SLC16A12: variants seen among roughly 807,000 people sequenced by gnomAD.
The protein encoded by SLC16A12 is monocarboxylate transporter 12.
A neutral mutation model predicts 42.4 loss-of-function variants in SLC16A12; 17 were observed. The observed-to-expected ratio is 0.40, with a 90% CI of 0.27 to 0.60. The LOEUF is 0.60. Among genes scored for constraint, SLC16A12 ranks in the 20% least tolerant of loss-of-function variants. The probability of loss-of-function intolerance (pLI) is 0.42; values close to 1 mark genes in which losing one functional copy is unlikely to be tolerated. For missense variants in SLC16A12, 544 were observed against 623.0 expected (o/e 0.87, Z 1.35); for synonymous variants, 224 against 229.4 (o/e 0.98, Z 0.21).
Position 89,462,585 on chromosome 10 carries a change from T to C in SLC16A12, c.-7A>G, listed in dbSNP as rs1289735711. The stretch of plus-strand genomic sequence containing the variant: ...AGTGACTTCCTGATGGCATTCAAGG[T>C]TGGCATAGAACGCTACCTGGCCCAT... On this transcript the variant is annotated 5_prime_UTR_variant, in exon 3 of 8. Transcript: ENST00000371790. 2 of 1,598,948 alleles carry C rather than the reference T, an allele frequency of 1.3e-6. No individual in the cohort carries two copies. Among genetic ancestry groups the C allele is most frequent in the African/African-American group, 1.3e-5 (1 of 74,598 alleles).
intron 2 of SLC16A12, among the ~76,000 whole-genome samples, chr10:89,526,667 C>T (rs1238596720): frequency 6.6e-6 from 1 of 152,172 alleles, no homozygotes; most frequent in African/African-American, 2.4e-5. Flanking sequence ...ACTTGGAAAC[C>T]AAATATGTGA....
intron 2 of SLC16A12, among the ~76,000 whole-genome samples, chr10:89,555,606 C>CAT (rs112594667): frequency 7.3e-6 from 1 of 136,412 alleles, no homozygotes; most frequent in Non-Finnish European, 1.6e-5. Context: ...CACATATATA[C>CAT]ATATATATAC....
intron 2 of SLC16A12, among the ~76,000 whole-genome samples, chr10:89,542,389 G>A (rs553005628): frequency 2.0e-4 from 30 of 147,948 alleles, no homozygotes; most frequent in African/African-American, 6.5e-4. Context: ...GGCAACTGCC[G>A]TCTCCTGGAC....
At position 89,432,835 on chromosome 10, in the gene SLC16A12, A is replaced by G; in HGVS notation, c.*229T>C. ...CAGAGCTATGCCCATTGACCAAAAG[A>G]TACGAGTTCAGTTATGAGCACAAAT... On this transcript the variant is annotated 3_prime_UTR_variant, in exon 8 of 8. Coordinates refer to ENST00000371790, the MANE Select transcript of SLC16A12 (RefSeq NM_213606.4). The G allele has an allele frequency of 1.9e-6, 1 of 534,368 alleles. No individual in the cohort carries two copies. Among genetic ancestry groups the G allele is most frequent in the African/African-American group, 1.9e-5 (1 of 52,672 alleles). The allele number at this position is 534,368 out of a possible 1,614,324, so 33.1% of individuals were successfully genotyped here. A position where few individuals can be genotyped will look rare whatever the true frequency, so the allele number is the denominator to read the frequency against.
Position 89,495,112 on chromosome 10 carries a change from A to G in SLC16A12, c.-46-32488T>C, listed in dbSNP as rs141798216. ...GCCCCTGTAATCCCAGCACTTTGGGAGGTCGAGGTGGGCAGATCACCTGAG... is the reference window on the plus strand; with the variant it reads ...GCCCCTGTAATCCCAGCACTTTGGGGGGTCGAGGTGGGCAGATCACCTGAG... On this transcript the variant is annotated intron_variant, in intron 2 of 7. Transcript: ENST00000371790. Among the ~76,000 whole-genome samples, 570 of 152,216 alleles carry G rather than the reference A, an allele frequency of 3.7e-3. 3 individuals are homozygous for G. Among genetic ancestry groups the G allele is most frequent in the African/African-American group, 0.012 (516 of 41,526 alleles).
At chr10:89,536,862 C>T (rs984719617), upstream of SLC16A12, among the ~76,000 whole-genome samples, 3 of 152,046 alleles carry the variant, frequency 2.0e-5, no homozygotes, top group South Asian at 4.2e-4. Flanking sequence ...TTTTGAGAAG[C>T]AGTCTCGCTC....
chr10:89,529,672 CT>C (rs1460317930), intron 2 of SLC16A12, among the ~76,000 whole-genome samples: 2 of 152,000 alleles, frequency 1.3e-5, no homozygotes, highest in African/African-American at 2.4e-5. Context: ...CTCAGCCCCC[CT>C]AGTAGCTGGG....
At chr10:89,463,259 G>A (rs938740116) in intron 2 of SLC16A12, among the ~76,000 whole-genome samples, 1 of 152,174 alleles carries the variant, frequency 6.6e-6, no homozygotes, top group African/African-American at 2.4e-5. Context: ...TACGGAATGA[G>A]TCTGACAGCA....
At chr10:89,535,342 G>C (rs1478749665) in intron 1 of SLC16A12, 100 bp downstream of exon 1, 1 of 152,314 alleles carries the variant, frequency 6.6e-6, no homozygotes, top group Non-Finnish European at 1.5e-5. Context: ...ATGGGCGCTA[G>C]GGCAGCGGAG....
At chr10:89,475,689 G>A (rs958568571) in intron 2 of SLC16A12, among the ~76,000 whole-genome samples, 1 of 152,006 alleles carries the variant, frequency 6.6e-6, no homozygotes, top group Non-Finnish European at 1.5e-5. Context: ...GAGACCTTTG[G>A]GCACTAAACT....
chr10:89,506,188 G>C (rs1051601857), intron 2 of SLC16A12, among the ~76,000 whole-genome samples: 5 of 152,206 alleles, frequency 3.3e-5, no homozygotes, highest in Non-Finnish European at 7.4e-5. Context: ...GCTCTGAAGA[G>C]AGCAGTAGTT....
At chr10:89,459,184 C>T (rs1842248974) in intron 3 of SLC16A12, among the ~76,000 whole-genome samples, 1 of 152,080 alleles carries the variant, frequency 6.6e-6, no homozygotes, top group Non-Finnish European at 1.5e-5. Flanking sequence ...CTTAAGAGGG[C>T]CTGTGTAAGA....
At position 89,477,804 on chromosome 10, in the gene SLC16A12, T is replaced by C. The variant is rs1041568925; in HGVS notation, c.-46-15180A>G. ...CAACAATATTATATGTACATATGGATTTACAGTCTCTGTACTAAGTCTATT... is the reference window on the plus strand; with the variant it reads ...CAACAATATTATATGTACATATGGACTTACAGTCTCTGTACTAAGTCTATT... On this transcript the variant is annotated intron_variant, in intron 2 of 7. Transcript: ENST00000371790. Among the ~76,000 whole-genome samples, 4 of 152,244 alleles carry C rather than the reference T, an allele frequency of 2.6e-5. No individual in the cohort carries two copies. In the East Asian group the frequency reaches 7.7e-4, roughly 29 times the overall value.
rs143744232 is a variant in SLC16A12 at position 89,448,862 on chromosome 10, C to A, written c.201-5003G>T. ...TGATTGTATATTTAGAAAACCCCAT[C>A]GTCTCAGCCCAAAAGCTCCTTAAGC... On this transcript the variant is annotated intron_variant, in intron 3 of 7. Transcript: ENST00000371790. 2.6e-5 allele frequency among the ~76,000 whole-genome samples: 4 copies of A among 152,166 alleles called. No individual in the cohort carries two copies. The South Asian group carries it at 6.2e-4, about 24-fold the overall frequency.
intron 2 of SLC16A12, among the ~76,000 whole-genome samples, chr10:89,512,298 C>T (rs1205097457): frequency 2.6e-5 from 4 of 152,134 alleles, no homozygotes; most frequent in African/African-American, 9.7e-5. Context: ...TTGGTCTCTG[C>T]GCTCCCCATC....
chr10:89,453,114 A>C (rs1325889246), intron 3 of SLC16A12, among the ~76,000 whole-genome samples: 1 of 152,240 alleles, frequency 6.6e-6, no homozygotes, highest in Non-Finnish European at 1.5e-5. Flanking sequence ...TTAAGAAACC[A>C]GACATGCTGC....
chr10:89,444,131 C>T (rs1841959910), intron 3 of SLC16A12, among the ~76,000 whole-genome samples: 1 of 152,144 alleles, frequency 6.6e-6, no homozygotes, highest in East Asian at 1.9e-4. Context: ...AGGTCAGGAA[C>T]ATGGATTCTT....
At chr10:89,525,216 A>G (rs999559699) in intron 2 of SLC16A12, among the ~76,000 whole-genome samples, 3 of 118,086 alleles carry the variant, frequency 2.5e-5, no homozygotes, top group African/African-American at 1.2e-4. Flanking sequence ...ACGAGACACC[A>G]TATCAAAAAA....
intron 2 of SLC16A12, among the ~76,000 whole-genome samples, chr10:89,542,305 T>C (rs960476575): frequency 4.2e-5 from 5 of 119,310 alleles, no homozygotes; most frequent in African/African-American, 2.3e-4. Context: ...TCTTTTTTTT[T>C]CTTTTTTTTT....
Sources: gnomAD v4.1 joint callset for allele counts (sites outside exome capture counted in the v4.1 genomes callset) on GRCh38, gnomAD v4.1.1 for gene constraint, MANE v1.5 for transcripts, NCBI Gene and HGNC (gene_info 2026-07-23, HGNC 2026-07-21) for gene names.